The following MYLK3 variants were observed in gnomAD, a reference collection of about 807,000 sequenced individuals.
MYLK3 encodes the protein myosin light chain kinase 3, also known as MLC kinase.
In MYLK3, 55 loss-of-function variants were observed where a neutral mutation model predicts 76.3. That is an observed-to-expected ratio of 0.72 (90% CI 0.58 to 0.90). The LOEUF is 0.90. Among genes scored for constraint, MYLK3 ranks in the 40% least tolerant of loss-of-function variants. The probability of loss-of-function intolerance (pLI) is 0.00; values close to 1 mark genes in which losing one functional copy is unlikely to be tolerated. For synonymous variants in MYLK3, 416 were observed against 425.4 expected (o/e 0.98, Z 0.27); for missense variants, 973 against 1,053.6 (o/e 0.92, Z 1.06).
At chr16:46,718,572 C>T (rs919089704) in intron 9 of MYLK3, among the ~76,000 whole-genome samples, 5 of 152,204 alleles carry the variant, frequency 3.3e-5, no homozygotes, top group East Asian at 1.9e-4. Context: ...CTCAGGCGCG[C>T]GGCTCTGCAT....
At chr16:46,745,319 T>C (rs766366532) in intron 1 of MYLK3, among the ~76,000 whole-genome samples, 1 of 152,182 alleles carries the variant, frequency 6.6e-6, no homozygotes, top group African/African-American at 2.4e-5. Context: ...GGTTAACAAC[T>C]GAAGACACAG....
intron 1 of MYLK3, among the ~76,000 whole-genome samples, chr16:46,756,486 A>T (rs1408771788): frequency 1.3e-5 from 2 of 152,224 alleles, no homozygotes; most frequent in African/African-American, 4.8e-5. Context: ...GCTTCTGGGG[A>T]CCAGGACAGG....
At chr16:46,715,716 C>A (rs1966730023) in intron 9 of MYLK3, among the ~76,000 whole-genome samples, 1 of 152,142 alleles carries the variant, frequency 6.6e-6, no homozygotes, top group Admixed American at 6.5e-5. Context: ...CTGGGATAAA[C>A]CTGGTCCCTC....
Position 46,703,956 on chromosome 16 carries a change from G to C in MYLK3, c.*3748C>G, listed in dbSNP as rs1187648944. On this transcript the variant is annotated 3_prime_UTR_variant, in exon 13 of 13. Coordinates refer to ENST00000394809, the MANE Select transcript of MYLK3 (RefSeq NM_182493.3). ...AATACATGTAAAAGTGGATACTTCA[G>C]TTATTGGAAAACAGTGAGTTATGTT... 1 of 153,680 alleles carries C rather than the reference G, an allele frequency of 6.5e-6. No homozygotes were observed. The highest frequency in any genetic ancestry group is 1.5e-5 in the Non-Finnish European group (1 of 68,042). 9.5% of individuals were successfully genotyped at this position (153,680 alleles called of 1,614,324 possible).
intron 1 of MYLK3, 95 bp downstream of exon 1, chr16:46,747,622 C>A: frequency 1.6e-6 from 2 of 1,213,918 alleles, no homozygotes; most frequent in East Asian, 2.3e-5. Context: ...GAAGGGGACA[C>A]CATGCCTCCA....
intron 9 of MYLK3, among the ~76,000 whole-genome samples, chr16:46,716,369 A>G (rs889901864): frequency 6.6e-6 from 1 of 151,746 alleles, no homozygotes; most frequent in African/African-American, 2.4e-5. Flanking sequence ...GCATATATAT[A>G]TATGTATATG....
At chr16:46,707,817 T>C (rs1170674603) in intron 12 of MYLK3, 54 bp from the exon 13 acceptor site, 4 of 1,349,986 alleles carry the variant, frequency 3.0e-6, no homozygotes, top group African/African-American at 1.5e-5. Flanking sequence ...TTAGACCAGT[T>C]GCCTTATGAA....
intron 3 of MYLK3, among the ~76,000 whole-genome samples, chr16:46,737,297 C>G (rs975458285): frequency 3.3e-5 from 5 of 152,190 alleles, no homozygotes; most frequent in Admixed American, 1.3e-4. Context: ...AGAAGGTGAA[C>G]CCGGTGAAAT....
At chr16:46,716,861 G>A (rs1166420203) in intron 9 of MYLK3, among the ~76,000 whole-genome samples, 2 of 152,208 alleles carry the variant, frequency 1.3e-5, no homozygotes, top group African/African-American at 4.8e-5. Flanking sequence ...AAGAGGACAG[G>A]GTTGGAGAGC....
intron 8 of MYLK3, among the ~76,000 whole-genome samples, chr16:46,723,575 T>A (rs558428700): frequency 1.3e-5 from 2 of 151,882 alleles, no homozygotes; most frequent in South Asian, 4.2e-4. Context: ...CCAAACTTTT[T>A]AAAAAGCGAA....
At chr16:46,735,114 C>T (rs1368621780) in intron 3 of MYLK3, among the ~76,000 whole-genome samples, 6 of 151,904 alleles carry the variant, frequency 3.9e-5, no homozygotes, top group Non-Finnish European at 1.5e-5. Flanking sequence ...GCACTCCAGC[C>T]TCGGTGACAG....
At chr16:46,722,598 T>G (rs1435337055) in intron 8 of MYLK3, among the ~76,000 whole-genome samples, 1 of 152,070 alleles carries the variant, frequency 6.6e-6, no homozygotes, top group East Asian at 1.9e-4. Context: ...ATATAGTAAT[T>G]TAAAGTTTAC....
At chr16:46,760,030 A>G (rs1195832630) in intron 1 of MYLK3, among the ~76,000 whole-genome samples, 1 of 152,240 alleles carries the variant, frequency 6.6e-6, no homozygotes, top group Non-Finnish European at 1.5e-5. Context: ...CCAATTCAGA[A>G]GACTCAATTA....
chr16:46,712,590 C>G, intron 10 of MYLK3, 58 bp downstream of exon 10: 2 of 1,372,394 alleles, frequency 1.5e-6, no homozygotes, highest in South Asian at 4.0e-5. Flanking sequence ...CTAAGATTAC[C>G]CAAAGGAAGA....
chr16:46,747,786 C>A lies in MYLK3; in HGVS notation c.408G>T (p.Lys136Asn), dbSNP rs775787717. The change falls in exon 1 of 13, where the codon AAG (lysine) becomes AAT (asparagine). Residue 136 changes from lysine to asparagine, a missense_variant. By Grantham distance (94) the Lys-to-Asn change is moderately conservative (BLOSUM62 0). This residue lies in a region of MYLK3 where 641 missense variants were observed against 637.0 expected (regional missense o/e 1.01). Transcript: ENST00000394809. ...ALVGATFQKS[K>N]VADFLMQGRV... Reference sequence around the variant, plus strand: ...GCCCCTGCATGAGGAAATCCGCCACCTTTGATTTCTGGAACGTGGCCCCCA... The same window carrying A: ...GCCCCTGCATGAGGAAATCCGCCACATTTGATTTCTGGAACGTGGCCCCCA... 2.5e-6 allele frequency: 4 copies of A among 1,614,100 alleles called. No homozygotes were observed. The African/African-American group carries it at 5.3e-5, about 22-fold the overall frequency.
intron 8 of MYLK3, among the ~76,000 whole-genome samples, chr16:46,722,502 T>A (rs1966809494): frequency 6.6e-6 from 1 of 152,208 alleles, no homozygotes. Context: ...CTCAGATAGG[T>A]GTGAGAGAAT....
Position 46,729,101 on chromosome 16 carries a change from G to A in MYLK3, c.1695C>T (p.Asn565=), listed in dbSNP as rs1380866673. ...EDVKNEINIM[N]QLSHVNLIQL... ...GGATCAGGTTCACGTGGCTGAGCTG[G>A]TTCATGATGTTGATCTCGTTCTTCA... Residue 565 remains asparagine (N), a synonymous_variant, in exon 7 of 13, where the codon AAC becomes AAT. Transcript: ENST00000394809. The A allele has an allele frequency of 6.2e-7, 1 of 1,614,138 alleles. No individual in the cohort carries two copies. Among genetic ancestry groups the A allele is most frequent in the South Asian group, 1.1e-5 (1 of 91,084 alleles).
chr16:46,729,695 G>A lies in MYLK3; in HGVS notation c.1569-8C>T. 1 of 1,613,140 alleles carries A rather than the reference G, an allele frequency of 6.2e-7. No individual in the cohort carries two copies. The highest frequency in any genetic ancestry group is 8.5e-7 in the Non-Finnish European group (1 of 1,179,398). Reference sequence around the variant, plus strand: ...ACCTGGCCAAACCGACCCCTGCAGAGACATAGCCACACGGCAGGCTGAGAG... The same window carrying A: ...ACCTGGCCAAACCGACCCCTGCAGAAACATAGCCACACGGCAGGCTGAGAG... On this transcript the variant is annotated splice_polypyrimidine_tract_variant and splice_region_variant and intron_variant, in intron 5 of 12. Coordinates refer to ENST00000394809, the MANE Select transcript of MYLK3 (RefSeq NM_182493.3).
At chr16:46,754,361 A>T (rs1329096322) in intron 1 of MYLK3, among the ~76,000 whole-genome samples, 1 of 152,138 alleles carries the variant, frequency 6.6e-6, no homozygotes, top group Non-Finnish European at 1.5e-5. Flanking sequence ...TTCAAAATTC[A>T]TGTCAAAATT....
Sources: allele counts gnomAD v4.1 joint callset (sites outside exome capture counted in the v4.1 genomes callset), GRCh38; gene constraint gnomAD v4.1.1; regional missense constraint gnomAD v4.1.1; transcripts MANE v1.5; gene names NCBI Gene and HGNC (gene_info 2026-07-23, HGNC 2026-07-21).